The following DCLK1 variants were observed in gnomAD, a reference collection of about 807,000 sequenced individuals.
DCLK1 encodes the protein doublecortin like kinase 1.
A neutral mutation model predicts 86.2 loss-of-function variants in DCLK1; 16 were observed. The ratio of observed to expected loss-of-function variants is 0.19; its 90% confidence interval spans 0.13 to 0.28. The LOEUF (loss-of-function observed/expected upper bound fraction) is 0.28, where lower values mean the gene tolerates loss of function less well. Among genes scored for constraint, DCLK1 ranks in the 10% least tolerant of loss-of-function variants. DCLK1 has a pLI of 1.00. For synonymous variants in DCLK1, 369 were observed against 370.5 expected (o/e 1.00, Z 0.05); for missense variants, 590 against 940.2 (o/e 0.63, Z 4.87).
intron 4 of DCLK1, among the ~76,000 whole-genome samples, chr13:35,909,597 ATGTGTGTGTGTGTG>A (rs57044533): frequency 0.33 from 48,435 of 145,782 alleles, 8,151 homozygotes; most frequent in East Asian, 0.48. Context: ...CTGTGTGCAT[ATGTGTGTGTGTGTG>A]TGTGTGTGTG....
intron 3 of DCLK1, among the ~76,000 whole-genome samples, chr13:35,999,908 C>T (rs913545875): frequency 2.0e-5 from 3 of 152,146 alleles, no homozygotes; most frequent in Non-Finnish European, 4.4e-5. Context: ...GCAATCATTG[C>T]TGAAATCTCC....
chr13:35,990,631 T>C (rs1053014184), intron 3 of DCLK1, among the ~76,000 whole-genome samples: 6 of 152,134 alleles, frequency 3.9e-5, no homozygotes, highest in African/African-American at 1.4e-4. Flanking sequence ...GACTTCCAGC[T>C]GGGCTTAGAA....
Position 35,836,078 on chromosome 13 carries a change from G to A in DCLK1, c.1184C>T (p.Thr395Ile). Residue 395 changes from threonine (T) to isoleucine (I), a missense_variant, in exon 8 of 17, where the codon ACA becomes ATA. By Grantham distance (89) the Thr-to-Ile change is moderately conservative. Transcript: ENST00000360631. The part of the protein sequence containing the change: ...TITERYKVGR[T>I]IGDGNFAVVK... ...AACAGCAAAATTTCCATCTCCTATT[G>A]TTCTTCCGACTTTATATCGTTCTGT... is the stretch of plus-strand genomic sequence containing the variant. 1 of 1,613,358 alleles carries A rather than the reference G, an allele frequency of 6.2e-7. No individual in the cohort carries two copies. Among genetic ancestry groups the A allele is most frequent in the East Asian group, 2.2e-5 (1 of 44,812 alleles).
intron 3 of DCLK1, among the ~76,000 whole-genome samples, chr13:36,026,083 C>T (rs766998974): frequency 2.0e-5 from 3 of 152,138 alleles, no homozygotes; most frequent in Non-Finnish European, 2.9e-5. Context: ...GTTAGCTATA[C>T]ATTTATTCAT....
intron 3 of DCLK1, among the ~76,000 whole-genome samples, chr13:36,024,968 CTTTTT>C (rs1427973007): frequency 7.2e-6 from 1 of 139,098 alleles, no homozygotes; most frequent in Admixed American, 7.3e-5. Flanking sequence ...TCTTTTCTTT[CTTTTT>C]TTTTTTTTTT....
intron 4 of DCLK1, among the ~76,000 whole-genome samples, chr13:35,878,199 C>T (rs1401038627): frequency 6.6e-6 from 1 of 152,186 alleles, no homozygotes; most frequent in East Asian, 1.9e-4. Flanking sequence ...CAAAGCCATC[C>T]TGGTATAATG....
chr13:35,948,823 T>C (rs750821084), intron 3 of DCLK1, among the ~76,000 whole-genome samples: 4 of 152,160 alleles, frequency 2.6e-5, no homozygotes, highest in Admixed American at 6.5e-5. Context: ...CTGTAATCAC[T>C]GAGGAAGATA....
intron 4 of DCLK1, among the ~76,000 whole-genome samples, chr13:35,923,162 C>T (rs1019543496): frequency 1.7e-4 from 26 of 152,118 alleles, no homozygotes; most frequent in Non-Finnish European, 3.2e-4. Context: ...GCGGGAAAGA[C>T]CCCTGGGTGG....
chr13:36,053,272 A>G (rs1304944865), intron 3 of DCLK1, among the ~76,000 whole-genome samples: 1 of 152,166 alleles, frequency 6.6e-6, no homozygotes, highest in Admixed American at 6.6e-5. Context: ...TCTGCCTACA[A>G]GAAGCTCACA....
chr13:36,113,148 T>C (rs1885671144), intron 2 of DCLK1, among the ~76,000 whole-genome samples: 1 of 152,194 alleles, frequency 6.6e-6, no homozygotes, highest in African/African-American at 2.4e-5. Flanking sequence ...CCTTCATAAT[T>C]GTAGGTAAAA....
chr13:35,934,375 C>A (rs985969088), intron 4 of DCLK1, among the ~76,000 whole-genome samples: 1 of 152,082 alleles, frequency 6.6e-6, no homozygotes, highest in African/African-American at 2.4e-5. Context: ...GAAGATATAC[C>A]CGAGACTGGG....
chr13:36,126,217 ATT>A (rs113810001), intron 1 of DCLK1, 61 bp from the exon 2 acceptor site: 24,988 of 1,194,560 alleles, frequency 0.021, 208 homozygotes, highest in Middle Eastern at 0.031. Context: ...ATATATATAT[ATT>A]TTTTTGTTTT....
At chr13:35,838,675 T>C (rs1327433078) in intron 7 of DCLK1, among the ~76,000 whole-genome samples, 1 of 152,246 alleles carries the variant, frequency 6.6e-6, no homozygotes, top group Non-Finnish European at 1.5e-5. Context: ...TGAGTTCACT[T>C]AATTTAGAGT....
At chr13:35,787,097 A>G (rs2086637452) in intron 16 of DCLK1, among the ~76,000 whole-genome samples, 1 of 150,714 alleles carries the variant, frequency 6.6e-6, no homozygotes. Flanking sequence ...ATATATATAT[A>G]TACACACACA....
chr13:35,895,155 C>A (rs73518644), intron 4 of DCLK1, among the ~76,000 whole-genome samples: 2 of 151,950 alleles, frequency 1.3e-5, no homozygotes. Context: ...GTTGTTCAGG[C>A]TAGTCTCGAA....
intron 3 of DCLK1, among the ~76,000 whole-genome samples, chr13:36,001,668 CA>C (rs1335373975): frequency 6.6e-6 from 1 of 152,046 alleles, no homozygotes; most frequent in East Asian, 1.9e-4. Flanking sequence ...ATGAAGGAGA[CA>C]AAAGAAGAAC....
At chr13:36,069,627 A>G (rs375264871) in intron 3 of DCLK1, among the ~76,000 whole-genome samples, 2 of 152,124 alleles carry the variant, frequency 1.3e-5, no homozygotes, top group Non-Finnish European at 2.9e-5. Context: ...TCCAGAAGTC[A>G]GGTCATCTTT....
intron 6 of DCLK1, among the ~76,000 whole-genome samples, chr13:35,841,535 A>G (rs1169262974): frequency 6.6e-6 from 1 of 152,046 alleles, no homozygotes; most frequent in Non-Finnish European, 1.5e-5. Flanking sequence ...AAAAAAAGGA[A>G]AAAAAAGTAG....
chr13:36,068,898 T>A (rs1337991027), intron 3 of DCLK1, among the ~76,000 whole-genome samples: 1 of 152,158 alleles, frequency 6.6e-6, no homozygotes, highest in Non-Finnish European at 1.5e-5. Context: ...CAGGTTACTG[T>A]GAAGGTAAGC....
Sources: gnomAD v4.1 joint callset for allele counts (sites outside exome capture counted in the v4.1 genomes callset) on GRCh38, gnomAD v4.1.1 for gene constraint, MANE v1.5 for transcripts, NCBI Gene and HGNC (gene_info 2026-07-23, HGNC 2026-07-21) for gene names.